FLT1: variants seen among roughly 807,000 people sequenced by gnomAD.
The protein encoded by FLT1 is vascular endothelial growth factor receptor 1.
FLT1 carries 49 observed loss-of-function variants against 156.3 expected under a neutral mutation model. The ratio of observed to expected loss-of-function variants is 0.31; its 90% CI spans 0.25 to 0.40. The LOEUF (loss-of-function observed/expected upper bound fraction) is 0.40. Among genes scored for constraint, FLT1 ranks in the 10% least tolerant of loss-of-function variants. FLT1 has a pLI of 1.00. For synonymous variants in FLT1, 594 were observed against 583.8 expected (o/e 1.02, Z -0.25); for missense variants, 1,322 against 1,637.2 (o/e 0.81, Z 3.32).
intron 13 of FLT1, chr13:28,385,821 A>G (rs879792431): frequency 1.9e-6 from 2 of 1,049,766 alleles, no homozygotes; most frequent in Non-Finnish European, 2.3e-6. Flanking sequence ...AATCCCACAT[A>G]AGAACAGCAG....
intron 1 of FLT1, among the ~76,000 whole-genome samples, chr13:28,469,550 G>T (rs1216091700): frequency 6.6e-6 from 1 of 152,196 alleles, no homozygotes; most frequent in African/African-American, 2.4e-5. Context: ...CAGGGTGTGT[G>T]CATTCGGTGC....
At chr13:28,314,418 T>A (rs1871123892) in intron 25 of FLT1, among the ~76,000 whole-genome samples, 1 of 152,078 alleles carries the variant, frequency 6.6e-6, no homozygotes, top group Admixed American at 6.6e-5. Context: ...AATAAAAAAA[T>A]TCATTGCTTA....
At chr13:28,332,724 C>T (rs762457299) in intron 18 of FLT1, among the ~76,000 whole-genome samples, 3 of 152,188 alleles carry the variant, frequency 2.0e-5, no homozygotes, top group Non-Finnish European at 2.9e-5. Context: ...GGCCATGTTT[C>T]CTCATCTGCA....
chr13:28,418,694 G>A (rs1412218148), intron 10 of FLT1, among the ~76,000 whole-genome samples: 8 of 152,090 alleles, frequency 5.3e-5, no homozygotes, highest in African/African-American at 1.9e-4. Flanking sequence ...CTCCTGAGTA[G>A]CTGGAACCAT....
intron 13 of FLT1, chr13:28,389,473 G>A (rs1466242467): frequency 1.5e-6 from 2 of 1,344,834 alleles, no homozygotes; most frequent in Non-Finnish European, 1.9e-6. Flanking sequence ...CAAACACAGA[G>A]AAGGCAGTGC....
intron 14 of FLT1, among the ~76,000 whole-genome samples, chr13:28,375,350 G>A (rs1195412251): frequency 7.3e-5 from 11 of 151,400 alleles, no homozygotes; most frequent in Admixed American, 7.3e-4. Context: ...ACAAGTAATT[G>A]CAGAATTGCA....
chr13:28,470,455 C>T (rs950529562), intron 1 of FLT1, among the ~76,000 whole-genome samples: 13 of 152,278 alleles, frequency 8.5e-5, no homozygotes, highest in Non-Finnish European at 1.8e-4. Context: ...GTGGAAACTT[C>T]TGGCATTACT....
intron 15 of FLT1, among the ~76,000 whole-genome samples, chr13:28,348,593 C>CTAAAGAGTTTCATGAGGGTTT (rs1250879146): frequency 5.3e-5 from 8 of 152,172 alleles, no homozygotes; most frequent in Non-Finnish European, 8.8e-5. Flanking sequence ...TTACCTACCT[C>CTAAAGAGTTTCATGAGGGTTT]TAAAGAGTTT....
At chr13:28,471,756 C>G (rs1052340980) in intron 1 of FLT1, among the ~76,000 whole-genome samples, 2 of 152,158 alleles carry the variant, frequency 1.3e-5, no homozygotes, top group African/African-American at 4.8e-5. Context: ...GCCTAGAAAT[C>G]TGATTTAAAA....
intron 20 of FLT1, among the ~76,000 whole-genome samples, chr13:28,324,987 A>G (rs1486745120): frequency 6.6e-6 from 1 of 152,250 alleles, no homozygotes; most frequent in Non-Finnish European, 1.5e-5. Flanking sequence ...TAAGGATCCC[A>G]GTTAATTTAT....
At chr13:28,479,466 C>A (rs1352021626) in intron 1 of FLT1, among the ~76,000 whole-genome samples, 1 of 151,930 alleles carries the variant, frequency 6.6e-6, no homozygotes, top group East Asian at 1.9e-4. Context: ...ATATCCTTCA[C>A]GTAGTAAGTA....
Position 28,325,197 on chromosome 13 carries a change from G to C in FLT1, c.2797-2251C>G, listed in dbSNP as rs192883231. Reference sequence around the variant, plus strand: ...AAACAAAGGACGCACAAACCCAAACGTTCCATCCTGCCCAGGTCCCTAGGG... The same window carrying C: ...AAACAAAGGACGCACAAACCCAAACCTTCCATCCTGCCCAGGTCCCTAGGG... On this transcript the variant is annotated intron_variant, in intron 20 of 29. Coordinates refer to ENST00000282397, the MANE Select transcript of FLT1 (RefSeq NM_002019.4). 1.5e-3 allele frequency among the ~76,000 whole-genome samples: 221 copies of C among 152,200 alleles called. 1 individual carries two copies. The highest frequency in any genetic ancestry group is 5.0e-3 in the African/African-American group (206 of 41,526).
intron 8 of FLT1, among the ~76,000 whole-genome samples, chr13:28,428,266 C>T (rs1217779891): frequency 3.9e-5 from 6 of 151,958 alleles, no homozygotes; most frequent in Non-Finnish European, 8.8e-5. Flanking sequence ...GAGTTTTCCA[C>T]GAGGCTCCAT....
chr13:28,453,765 T>C (rs1879112595), intron 3 of FLT1, among the ~76,000 whole-genome samples: 1 of 152,246 alleles, frequency 6.6e-6, no homozygotes, highest in African/African-American at 2.4e-5. Flanking sequence ...GTAAGACTAA[T>C]ATACTTAAAA....
intron 1 of FLT1, among the ~76,000 whole-genome samples, chr13:28,478,570 A>T (rs140034203): frequency 6.6e-6 from 1 of 152,352 alleles, no homozygotes; most frequent in East Asian, 1.9e-4. Flanking sequence ...TGGAACTTTT[A>T]AATTTTATTC....
At chr13:28,373,081 G>T (rs1873694310) in intron 14 of FLT1, among the ~76,000 whole-genome samples, 1 of 152,136 alleles carries the variant, frequency 6.6e-6, no homozygotes, top group Admixed American at 6.5e-5. Flanking sequence ...AAGAAAAGTC[G>T]ATTTATATTT....
intron 3 of FLT1, among the ~76,000 whole-genome samples, chr13:28,462,099 C>A (rs528148932): frequency 4.6e-5 from 7 of 152,230 alleles, no homozygotes; most frequent in African/African-American, 1.7e-4. Flanking sequence ...TAGAAGCTTA[C>A]GGCTGGTGAG....
chr13:28,342,065 TAG>T (rs1474742297), intron 16 of FLT1, among the ~76,000 whole-genome samples: 2 of 152,102 alleles, frequency 1.3e-5, no homozygotes, highest in Admixed American at 1.3e-4. Flanking sequence ...GTATTCTTAG[TAG>T]AGACAGGGTT....
chr13:28,387,864 C>G, intron 13 of FLT1: 3 of 1,045,340 alleles, frequency 2.9e-6, no homozygotes, highest in Non-Finnish European at 3.5e-6. Flanking sequence ...ACAACTAATA[C>G]TCTATGGAAT....
Sources: gnomAD v4.1 joint callset for allele counts (sites outside exome capture counted in the v4.1 genomes callset) on GRCh38, gnomAD v4.1.1 for gene constraint, MANE v1.5 for transcripts, NCBI Gene and HGNC (gene_info 2026-07-23, HGNC 2026-07-21) for gene names.